Variants in DHCR24 observed in about 807,000 individuals in gnomAD.
The protein encoded by DHCR24 is 24-dehydrocholesterol reductase.
DHCR24 carries 28 observed loss-of-function variants against 61.2 expected under a neutral mutation model. That is an observed-to-expected ratio of 0.46 (90% CI 0.34 to 0.63). The LOEUF is 0.63. Ranked by LOEUF, DHCR24 falls within the 20% of genes least tolerant of loss-of-function variation. The probability of loss-of-function intolerance (pLI) is 0.01; values close to 1 mark genes in which losing one functional copy is unlikely to be tolerated. For missense variants in DHCR24, 538 were observed against 679.1 expected (o/e 0.79, Z 2.31); for synonymous variants, 261 against 275.9 (o/e 0.95, Z 0.54).
rs1435288250 is a variant in DHCR24 at position 54,850,247 on chromosome 1, G to C, written c.*1986C>G. On this transcript the variant is annotated 3_prime_UTR_variant, in exon 9 of 9. Coordinates refer to ENST00000371269, the MANE Select transcript of DHCR24 (RefSeq NM_014762.4). ...ACCGTCCCAGTGGCTTAGGGTTGGA[G>C]GCTTCACTGGCAAAACAATGGCACT... The C allele has an allele frequency of 6.6e-6, 1 of 152,234 alleles. No individual in the cohort carries two copies. The highest frequency in any genetic ancestry group is 1.9e-4 in the East Asian group (1 of 5,192). 9.4% of individuals were successfully genotyped at this position (152,234 alleles called of 1,614,324 possible). A position where few individuals can be genotyped will look rare whatever the true frequency, so the allele number is the denominator to read the frequency against.
At position 54,886,942 on chromosome 1, in the gene DHCR24, G is replaced by A; in HGVS notation, c.178C>T (p.Leu60Phe). The A allele has an allele frequency of 6.2e-7, 1 of 1,613,608 alleles. No homozygotes were observed. Residue 60 changes from leucine (L) to phenylalanine (F), a missense_variant, in exon 1 of 9, where the codon CTC (leucine) becomes TTC (phenylalanine). Physicochemically the swap from Leu to Phe is conservative, Grantham distance 22. Coordinates refer to ENST00000371269, the MANE Select transcript of DHCR24 (RefSeq NM_014762.4). ...YYVRAWVVFK[L>F]SSAPRLHEQR... ...TCGTGCAGGCGCGGAGCGCTGCTGAGCTTGAACACCACCCAGGCGCGCACG... is the reference window on the plus strand; with the variant it reads ...TCGTGCAGGCGCGGAGCGCTGCTGAACTTGAACACCACCCAGGCGCGCACG...
At chr1:54,855,221 C>T (rs553002938) in intron 6 of DHCR24, among the ~76,000 whole-genome samples, 71 of 152,164 alleles carry the variant, frequency 4.7e-4, no homozygotes, top group African/African-American at 1.6e-3. Flanking sequence ...GGTGAAACCC[C>T]GTTTCTACTA....
intron 2 of DHCR24, among the ~76,000 whole-genome samples, chr1:54,880,994 C>G (rs977019172): frequency 6.6e-6 from 1 of 151,894 alleles, no homozygotes; most frequent in Non-Finnish European, 1.5e-5. Context: ...ACTAAAAATA[C>G]AAAAAATTAG....
chr1:54,886,688 C>T, intron 1 of DHCR24: 1 of 1,496,744 alleles, frequency 6.7e-7, no homozygotes, highest in Non-Finnish European at 8.9e-7. Flanking sequence ...GCCCTGCACA[C>T]AGTGGGCACT....
intron 5 of DHCR24, among the ~76,000 whole-genome samples, chr1:54,869,588 T>C (rs78960762): frequency 3.3e-4 from 50 of 150,466 alleles, no homozygotes; most frequent in South Asian, 6.4e-4. Context: ...CACATACATA[T>C]ACACACACAC....
chr1:54,871,715 ACT>A, intron 4 of DHCR24, 102 bp from the exon 5 acceptor site: 1 of 1,495,482 alleles, frequency 6.7e-7, no homozygotes, highest in South Asian at 1.2e-5. Flanking sequence ...CTATTCTCTC[ACT>A]CTCTTGTATA....
intron 5 of DHCR24, among the ~76,000 whole-genome samples, chr1:54,866,487 A>G (rs1341176320): frequency 6.6e-6 from 1 of 152,032 alleles, no homozygotes; most frequent in African/African-American, 2.4e-5. Flanking sequence ...AAATGGGACC[A>G]TCTTACACGT....
In DHCR24 at chr1:54,876,101, G is replaced by A. The variant is rs1478456908; in HGVS notation, c.388-54C>T. The A allele has an allele frequency of 5.1e-6, 7 of 1,382,806 alleles. No homozygotes were observed. In the African/African-American group the frequency reaches 8.5e-5, roughly 17 times the overall value. The allele number at this position is 1,382,806 out of a possible 1,614,324, so 85.7% of individuals were successfully genotyped here. On this transcript the variant is annotated intron_variant, in intron 2 of 8. Transcript: ENST00000371269. ...TCAAAAGGAGGCTGCCAGGCCCAAG[G>A]GGAGCTGCTGCACACAGAAGGTGTC...
At chr1:54,864,797 A>G (rs2101564918) in intron 6 of DHCR24, among the ~76,000 whole-genome samples, 1 of 152,132 alleles carries the variant, frequency 6.6e-6, no homozygotes, top group Non-Finnish European at 1.5e-5. Flanking sequence ...CTGCTCACAA[A>G]GTCATCTCCT....
In DHCR24 at chr1:54,887,006, G is replaced by A. The variant is rs749689698; in HGVS notation, c.114C>T (p.Phe38=). ...CGAAGATAAGCGAGAGCGGCAGGAGGAAGAGGCACACGAACACCCAGCGCT... is the reference window on the plus strand; with the variant it reads ...CGAAGATAAGCGAGAGCGGCAGGAGAAAGAGGCACACGAACACCCAGCGCT... The part of the protein sequence containing the change: ...IHQRWVFVCL[F]LLPLSLIFDI... The change falls in exon 1 of 9, where the codon TTC becomes TTT. Residue 38 remains phenylalanine, a synonymous_variant. Coordinates refer to ENST00000371269, the MANE Select transcript of DHCR24 (RefSeq NM_014762.4). The A allele has an allele frequency of 2.5e-6, 4 of 1,613,634 alleles. No homozygotes were observed. Among genetic ancestry groups the A allele is most frequent in the Non-Finnish European group, 2.5e-6 (3 of 1,179,748 alleles).
rs147530181 is a variant in DHCR24 at position 54,854,923 on chromosome 1, C to T, written c.1021-689G>A. Among the ~76,000 whole-genome samples the T allele has an allele frequency of 1.5e-3, 232 of 152,324 alleles. 2 individuals carry two copies. Among genetic ancestry groups the T allele is most frequent in the African/African-American group, 5.2e-3 (216 of 41,560 alleles). On this transcript the variant is annotated intron_variant, in intron 6 of 8. Transcript: ENST00000371269. Reference sequence around the variant, plus strand: ...CTCACTCAGCACTGCTGCCTCCTGACGATGGCCCCCTCTTCCCTCCAGCTC... The same window carrying T: ...CTCACTCAGCACTGCTGCCTCCTGATGATGGCCCCCTCTTCCCTCCAGCTC...
intron 6 of DHCR24, among the ~76,000 whole-genome samples, chr1:54,856,419 A>G (rs533597431): frequency 1.1e-4 from 16 of 152,328 alleles, no homozygotes; most frequent in African/African-American, 3.8e-4. Flanking sequence ...CAACATGGCA[A>G]AACCCTGTCT....
chr1:54,852,447 G>C, intron 8 of DHCR24, 61 bp from the exon 9 acceptor site: 1 of 1,583,470 alleles, frequency 6.3e-7, no homozygotes, highest in Non-Finnish European at 8.6e-7. Context: ...AGGCGTGAGA[G>C]AAACCCAACT....
In DHCR24 at chr1:54,875,933, G is replaced by A. The variant is rs1557437968; in HGVS notation, c.493+9C>T. ...TGTCTCTTCTTGCCCGTTAATATAG[G>A]GTCCTCACCCACTGTGAGGTCATCA... On this transcript the variant is annotated intron_variant, in intron 3 of 8. Coordinates refer to ENST00000371269, the MANE Select transcript of DHCR24 (RefSeq NM_014762.4). 2 of 1,604,476 alleles carry A rather than the reference G, an allele frequency of 1.2e-6. No individual in the cohort carries two copies. Among genetic ancestry groups the A allele is most frequent in the East Asian group, 2.2e-5 (1 of 44,824 alleles).
intron 6 of DHCR24, among the ~76,000 whole-genome samples, chr1:54,860,795 C>T (rs1646932818): frequency 6.6e-6 from 1 of 152,042 alleles, no homozygotes; most frequent in African/African-American, 2.4e-5. Context: ...ACCATCCTGG[C>T]TAACATGGTG....
rs530491650 is a variant in DHCR24, at chr1:54,886,351, A to G, written c.231+538T>C. Among the ~76,000 whole-genome samples, 14 of 152,112 alleles carry G rather than the reference A, an allele frequency of 9.2e-5. No individual in the cohort carries two copies. In the East Asian group the frequency reaches 9.7e-4, roughly 11 times the overall value. ...TTCTTGCTTTAGTCTTCTATCCTAA[A>G]CCCAATCAAAAGCGTCTTGCTGTAC... On this transcript the variant is annotated intron_variant, in intron 1 of 8. Transcript: ENST00000371269.
At chr1:54,865,106 A>G (rs537110457) in intron 6 of DHCR24, among the ~76,000 whole-genome samples, 197 bp downstream of exon 6, 1 of 152,232 alleles carries the variant, frequency 6.6e-6, no homozygotes, top group East Asian at 1.9e-4. Flanking sequence ...GCTTGCTAAG[A>G]GCCTGCTGCT....
Position 54,879,352 on chromosome 1 carries a change from A to AAAAAAAAAAG in DHCR24, c.388-3306_388-3305insCTTTTTTTTT, listed in dbSNP as rs573285056. Among the ~76,000 whole-genome samples the AAAAAAAAAAG allele has an allele frequency of 3.4e-4, 44 of 128,230 alleles. 3 individuals carry two copies. The highest frequency in any genetic ancestry group is 7.5e-4 in the Admixed American group (9 of 11,974). 84.1% of individuals were successfully genotyped at this position (128,230 alleles called of 152,430 possible). ...AAAAAAAAAAAAAAAAAAAAAAAAA[A>AAAAAAAAAAG]TCCAAATCAAACTTCTGGAAATGAA... is the stretch of plus-strand genomic sequence containing the variant. On this transcript the variant is annotated intron_variant, in intron 2 of 8. Coordinates refer to ENST00000371269, the MANE Select transcript of DHCR24 (RefSeq NM_014762.4).
chr1:54,886,712 TCCCCC>T, intron 1 of DHCR24, 172 bp downstream of exon 1: 1 of 1,437,186 alleles, frequency 7.0e-7, no homozygotes, highest in Non-Finnish European at 9.2e-7. Flanking sequence ...CCTGTTCTGT[TCCCCC>T]GCCCCCATCA....
Sources: gnomAD v4.1 joint callset for allele counts (sites outside exome capture counted in the v4.1 genomes callset) on GRCh38, gnomAD v4.1.1 for gene constraint, MANE v1.5 for transcripts, NCBI Gene and HGNC (gene_info 2026-07-23, HGNC 2026-07-21) for gene names.